The following ST13 variants were observed in gnomAD, a reference collection of about 807,000 sequenced individuals.
ST13 encodes ST13 Hsp70 interacting protein, also known as hsc70-interacting protein.
In ST13, 23 loss-of-function variants were observed where a neutral mutation model predicts 56.7. The ratio of observed to expected loss-of-function variants is 0.41; its 90% CI spans 0.29 to 0.57. The LOEUF is 0.57. Among genes scored for constraint, ST13 ranks in the 20% least tolerant of loss-of-function variants. ST13 has a pLI of 0.36. For missense variants in ST13, 369 were observed against 459.9 expected (o/e 0.80, Z 1.81); for synonymous variants, 132 against 142.4 (o/e 0.93, Z 0.52).
At chr22:40,850,317 T>C (rs950563105) in intron 2 of ST13, among the ~76,000 whole-genome samples, 1 of 152,180 alleles carries the variant, frequency 6.6e-6, no homozygotes, top group African/African-American at 2.4e-5. Flanking sequence ...TTCCCCTTCA[T>C]CTGTCTCTCA....
At chr22:40,853,491 C>T (rs118148515) in intron 1 of ST13, among the ~76,000 whole-genome samples, 1 of 152,292 alleles carries the variant, frequency 6.6e-6, no homozygotes, top group Non-Finnish European at 1.5e-5. Context: ...TTAGAACAAG[C>T]TACTTTCTGG....
At chr22:40,838,821 G>A (rs1342172786) in intron 5 of ST13, among the ~76,000 whole-genome samples, 2 of 151,592 alleles carry the variant, frequency 1.3e-5, no homozygotes, top group Non-Finnish European at 2.9e-5. Flanking sequence ...GAATGGTACA[G>A]AAGAGCAATG....
intron 1 of ST13, 52 bp downstream of exon 1, chr22:40,856,379 C>G (rs1270900393): frequency 2.0e-6 from 3 of 1,518,596 alleles, no homozygotes; most frequent in Admixed American, 1.7e-5. Context: ...CCTGGCTCCC[C>G]CCTGGGGCCG....
chr22:40,834,386 T>C (rs2057767980), intron 7 of ST13, among the ~76,000 whole-genome samples: 1 of 152,236 alleles, frequency 6.6e-6, no homozygotes, highest in South Asian at 2.1e-4. Flanking sequence ...AACAGTTTTA[T>C]GTATATCACA....
chr22:40,844,725 C>G lies in ST13; in HGVS notation c.315+114G>C. On this transcript the variant is annotated intron_variant, in intron 4 of 11. Transcript: ENST00000216218. ...AATGCTTGCCTAAAACGCCTGAAGTCAGAGAAAGATTTACTATGCGCTTTT... is the reference window on the plus strand; with the variant it reads ...AATGCTTGCCTAAAACGCCTGAAGTGAGAGAAAGATTTACTATGCGCTTTT... 3.6e-6 allele frequency: 3 copies of G among 822,782 alleles called. No individual in the cohort carries two copies. The South Asian group carries it at 5.2e-5, about 14-fold the overall frequency. 51.0% of individuals were successfully genotyped at this position (822,782 alleles called of 1,614,324 possible).
At chr22:40,851,747 TC>T (rs1202247001) in intron 1 of ST13, among the ~76,000 whole-genome samples, 1 of 149,992 alleles carries the variant, frequency 6.7e-6, no homozygotes, top group Non-Finnish European at 1.5e-5. Flanking sequence ...CAGAAAGGGT[TC>T]TTTTTTTTTT....
intron 1 of ST13, among the ~76,000 whole-genome samples, chr22:40,855,047 G>A (rs953142330): frequency 6.6e-6 from 1 of 152,068 alleles, no homozygotes; most frequent in African/African-American, 2.4e-5. Flanking sequence ...CTTCTTAGAG[G>A]AAAAAAATAC....
At chr22:40,844,733 G>A (rs1346569310) in intron 4 of ST13, 106 bp downstream of exon 4, 1 of 920,386 alleles carries the variant, frequency 1.1e-6, no homozygotes, top group East Asian at 2.6e-5. Flanking sequence ...GTCAGAGAAA[G>A]ATTTACTATG....
chr22:40,847,903 C>T (rs905737079), intron 3 of ST13, among the ~76,000 whole-genome samples: 3 of 151,726 alleles, frequency 2.0e-5, no homozygotes, highest in Admixed American at 6.6e-5. Flanking sequence ...AAAAATTAGC[C>T]GAGTGTGGTG....
rs2145741417 is a variant in ST13 at position 40,840,755 on chromosome 22, C to T, written c.316-63G>A. ...GAGAGAGAGAAGGAAGCAATTCATA[C>T]TTTCTTAGGGATGAGGCGCAGTCAC... On this transcript the variant is annotated intron_variant, in intron 4 of 11. Coordinates refer to ENST00000216218, the MANE Select transcript of ST13 (RefSeq NM_003932.5). The T allele has an allele frequency of 6.2e-6, 9 of 1,440,442 alleles. No individual in the cohort carries two copies. The East Asian group carries it at 1.6e-4, about 26-fold the overall frequency. 89.2% of individuals were successfully genotyped at this position (1,440,442 alleles called of 1,614,324 possible).
chr22:40,847,290 T>TC (rs1428545601), intron 3 of ST13, among the ~76,000 whole-genome samples: 1 of 278 alleles, frequency 3.6e-3, no homozygotes, highest in African/African-American at 0.013. Context: ...TCCCAAACAC[T>TC]TTGGAGGCCA....
intron 7 of ST13, among the ~76,000 whole-genome samples, chr22:40,832,914 A>T (rs1029661358): frequency 1.3e-5 from 2 of 152,234 alleles, no homozygotes; most frequent in Non-Finnish European, 2.9e-5. Flanking sequence ...AAACAAACAA[A>T]ATCTTTCTTA....
chr22:40,829,728 C>T lies in ST13; in HGVS notation c.799-54G>A. On this transcript the variant is annotated intron_variant, in intron 9 of 11. Coordinates refer to ENST00000216218, the MANE Select transcript of ST13 (RefSeq NM_003932.5). ...AATAGAAGAAGAAATAAGTGCTGTC[C>T]ATGCAACCTGTCCATGCAAGACCAT... 15 of 1,002,164 alleles carry T rather than the reference C, an allele frequency of 1.5e-5. 1 individual carries two copies. In the South Asian group the frequency reaches 3.3e-4, roughly 22 times the overall value. The allele number at this position is 1,002,164 out of a possible 1,614,324, so 62.1% of individuals were successfully genotyped here.
At chr22:40,838,893 G>GA (rs1376598470) in intron 5 of ST13, among the ~76,000 whole-genome samples, 1 of 142,708 alleles carries the variant, frequency 7.0e-6, no homozygotes, top group Non-Finnish European at 1.5e-5. Flanking sequence ...GCTTTCCAGA[G>GA]AAACAGTATA....
intron 2 of ST13, among the ~76,000 whole-genome samples, chr22:40,849,520 T>G (rs1469847557): frequency 6.8e-6 from 1 of 147,876 alleles, no homozygotes; most frequent in African/African-American, 2.5e-5. Context: ...ACCAAAAACC[T>G]ACCTTGTCAC....
In ST13 at chr22:40,856,613, C is replaced by T. The variant is rs1340650828; in HGVS notation, c.-73G>A. On this transcript the variant is annotated 5_prime_UTR_variant, in exon 1 of 12. Coordinates refer to ENST00000216218, the MANE Select transcript of ST13 (RefSeq NM_003932.5). ...GGCCCAGGCGCTGGCTCGGCGTGAC[C>T]GCGCAGAAGGGGGCGGCTGCCGCAA... 3 of 1,256,844 alleles carry T rather than the reference C, an allele frequency of 2.4e-6. No individual in the cohort carries two copies. The highest frequency in any genetic ancestry group is 1.2e-5 in the South Asian group (1 of 83,350). The allele number at this position is 1,256,844 out of a possible 1,614,324, so 77.9% of individuals were successfully genotyped here.
rs2057826552 is a variant in ST13 at position 40,845,538 on chromosome 22, A to G, written c.245-629T>C. Among the ~76,000 whole-genome samples the G allele has an allele frequency of 4.6e-5, 7 of 152,296 alleles. No homozygotes were observed. The South Asian group carries it at 1.5e-3, about 32-fold the overall frequency. The stretch of plus-strand genomic sequence containing the variant: ...AAATAAAGGCTTACTACTGATGCAG[A>G]ATCAAGTACCAAGGCTAGATTTAAA... On this transcript the variant is annotated intron_variant, in intron 3 of 11. Transcript: ENST00000216218.
At chr22:40,836,798 C>CT (rs1215358423) in intron 5 of ST13, among the ~76,000 whole-genome samples, 1 of 152,166 alleles carries the variant, frequency 6.6e-6, no homozygotes, top group African/African-American at 2.4e-5. Flanking sequence ...CAGAAGAGTT[C>CT]TTTGCACAAA....
At chr22:40,840,751 C>T (rs2145741410) in intron 4 of ST13, 59 bp from the exon 5 acceptor site, 2 of 1,471,250 alleles carry the variant, frequency 1.4e-6, no homozygotes, top group East Asian at 2.3e-5. Flanking sequence ...GGAAGCAATT[C>T]ATACTTTCTT....
Sources: allele counts gnomAD v4.1 joint callset (sites outside exome capture counted in the v4.1 genomes callset), GRCh38; gene constraint gnomAD v4.1.1; transcripts MANE v1.5; gene names NCBI Gene and HGNC (gene_info 2026-07-23, HGNC 2026-07-21).